Variants in DLD observed in about 807,000 individuals in gnomAD.
The protein encoded by DLD is dihydrolipoamide dehydrogenase, also known as dihydrolipoyl dehydrogenase, mitochondrial.
A neutral mutation model predicts 62.2 loss-of-function variants in DLD; 36 were observed. That is an observed-to-expected ratio of 0.58 (90% CI 0.44 to 0.76). The LOEUF is 0.76. DLD is among the 30% of genes least tolerant of loss of function. DLD has a pLI of 0.00. For synonymous variants in DLD, 204 were observed against 199.6 expected (o/e 1.02, Z -0.19); for missense variants, 541 against 608.6 (o/e 0.89, Z 1.17).
At position 107,893,112 on chromosome 7, in the gene DLD, G is replaced by A. The variant is rs571171688; in HGVS notation, c.40-88G>A. On this transcript the variant is annotated intron_variant, in intron 1 of 13. Coordinates refer to ENST00000205402, the MANE Select transcript of DLD (RefSeq NM_000108.5). Reference sequence around the variant, plus strand: ...CTAATAATCCTCGCTTGATACGTTTGCCCAAAATTGTTCTGTTATCATCAA... The same window carrying A: ...CTAATAATCCTCGCTTGATACGTTTACCCAAAATTGTTCTGTTATCATCAA... 33 of 1,046,142 alleles carry A rather than the reference G, an allele frequency of 3.2e-5. No homozygotes were observed. In the South Asian group the frequency reaches 3.8e-4, roughly 12 times the overall value. The allele number at this position is 1,046,142 out of a possible 1,614,324, so 64.8% of individuals were successfully genotyped here. A position where few individuals can be genotyped will look rare whatever the true frequency, so the allele number is the denominator to read the frequency against.
intron 8 of DLD, among the ~76,000 whole-genome samples, chr7:107,914,014 T>C (rs1023262298): frequency 1.9e-4 from 29 of 152,324 alleles, no homozygotes; most frequent in African/African-American, 7.0e-4. Flanking sequence ...GTTAATGTGA[T>C]GAATCATGTT....
rs763401114 is a variant in DLD, at chr7:107,917,941, T to C, written c.1254T>C (p.Val418=). 6.2e-7 allele frequency: 1 copy of C among 1,614,058 alleles called. No homozygotes were observed. The highest frequency in any genetic ancestry group is 8.5e-7 in the Non-Finnish European group (1 of 1,179,944). Residue 418 remains valine, a synonymous_variant, in exon 12 of 14, where the codon GTT becomes GTC. Transcript: ENST00000205402. ...QLKEEGIEYK[V]GKFPFAANSR... ...TGTCACAGGGTATTGAGTACAAAGTTGGGAAATTCCCATTTGCTGCTAACA... is the reference window on the plus strand; with the variant it reads ...TGTCACAGGGTATTGAGTACAAAGTCGGGAAATTCCCATTTGCTGCTAACA...
intron 3 of DLD, 77 bp downstream of exon 3, chr7:107,901,894 A>C (rs1015708714): frequency 8.4e-7 from 1 of 1,189,330 alleles, no homozygotes; most frequent in Admixed American, 1.7e-5. Context: ...AGTACTTTGC[A>C]GGCAAAAACA....
chr7:107,905,089 A>T, intron 6 of DLD, 31 bp downstream of exon 6: 1 of 1,460,352 alleles, frequency 6.8e-7, no homozygotes, highest in African/African-American at 1.4e-5. Context: ...TTTCTGCTTT[A>T]CTTTGAATAC....
intron 2 of DLD, among the ~76,000 whole-genome samples, chr7:107,899,790 G>T (rs893680101): frequency 6.6e-6 from 1 of 151,672 alleles, no homozygotes; most frequent in African/African-American, 2.4e-5. Flanking sequence ...AATGTGGATG[G>T]GTTGTTTTTT....
rs2032369236 is a variant in DLD, at chr7:107,919,979, A to G, written c.*720A>G. The G allele has an allele frequency of 2.0e-5, 3 of 152,432 alleles. No individual in the cohort carries two copies. The highest frequency in any genetic ancestry group is 7.2e-5 in the African/African-American group (3 of 41,452). The allele number at this position is 152,432 out of a possible 1,614,324, so 9.4% of individuals were successfully genotyped here. On this transcript the variant is annotated 3_prime_UTR_variant, in exon 14 of 14. Transcript: ENST00000205402. ...CTTAAATATTCATTTACTGGTTATC[A>G]TGAGTACGTGTTGAGATGGTCATAG...
At chr7:107,902,074 A>T (rs2031889607) in intron 3 of DLD, among the ~76,000 whole-genome samples, 1 of 152,194 alleles carries the variant, frequency 6.6e-6, no homozygotes, top group Non-Finnish European at 1.5e-5. Flanking sequence ...AGATACAGTG[A>T]TAGAACTAAA....
rs1318314453 is a variant in DLD at position 107,920,184 on chromosome 7, T to C, written c.*925T>C. The C allele has an allele frequency of 6.6e-6, 1 of 152,138 alleles. No individual in the cohort carries two copies. The highest frequency in any genetic ancestry group is 1.5e-5 in the Non-Finnish European group (1 of 68,000). 9.4% of individuals were successfully genotyped at this position (152,138 alleles called of 1,614,324 possible). A position where few individuals can be genotyped will look rare whatever the true frequency, so the allele number is the denominator to read the frequency against. ...TTTGGAGAAGTACAACATAAGGGAG[T>C]CTTTAATCTGTGTTTTCCTTGGCTG... On this transcript the variant is annotated 3_prime_UTR_variant, in exon 14 of 14. Coordinates refer to ENST00000205402, the MANE Select transcript of DLD (RefSeq NM_000108.5).
Position 107,919,582 on chromosome 7 carries a change from A to G in DLD, c.*323A>G, listed in dbSNP as rs1350820266. 4.5e-6 allele frequency: 1 copy of G among 223,634 alleles called. No homozygotes were observed. The highest frequency in any genetic ancestry group is 5.2e-5 in the Admixed American group (1 of 19,156). 13.9% of individuals were successfully genotyped at this position (223,634 alleles called of 1,614,324 possible). ...AATTTAAATAGCTTTTTTCTCTGAT[A>G]CAGAAAAGTTGAATTTTACATGGCT... On this transcript the variant is annotated 3_prime_UTR_variant, in exon 14 of 14. Transcript: ENST00000205402.
At chr7:107,897,882 G>T (rs558924654) in intron 2 of DLD, among the ~76,000 whole-genome samples, 5 of 152,030 alleles carry the variant, frequency 3.3e-5, no homozygotes, top group Non-Finnish European at 7.4e-5. Context: ...GATACATCTT[G>T]TAATTATATT....
At chr7:107,891,494 G>A (rs1318261788) in intron 1 of DLD, 4 of 638,412 alleles carry the variant, frequency 6.3e-6, no homozygotes, top group Non-Finnish European at 1.1e-5. Context: ...GACGGGGCTG[G>A]GCCCAGGCTG....
intron 8 of DLD, among the ~76,000 whole-genome samples, chr7:107,909,791 G>C (rs1013794596): frequency 6.6e-6 from 1 of 150,718 alleles, no homozygotes; most frequent in African/African-American, 2.4e-5. Context: ...AGAGTTCACT[G>C]AGAGTGCCTG....
intron 5 of DLD, among the ~76,000 whole-genome samples, chr7:107,904,410 A>G (rs1248926337): frequency 6.6e-6 from 1 of 152,166 alleles, no homozygotes; most frequent in African/African-American, 2.4e-5. Context: ...GGTACTTTCT[A>G]AGATACCCTT....
chr7:107,904,930 A>T (rs754581811), intron 5 of DLD, 28 bp from the exon 6 acceptor site: 1 of 1,543,056 alleles, frequency 6.5e-7, no homozygotes, highest in East Asian at 2.3e-5. Context: ...TTTAGCTAAG[A>T]ACTAAAGATT....
chr7:107,907,427 A>G (rs1005575531), intron 8 of DLD, among the ~76,000 whole-genome samples: 1 of 152,140 alleles, frequency 6.6e-6, no homozygotes, highest in Non-Finnish European at 1.5e-5. Flanking sequence ...CTGCTTGTAT[A>G]CTGTCTGCTC....
In DLD at chr7:107,901,778, A is replaced by T; in HGVS notation, c.159A>T (p.Gly53=). The change falls in exon 3 of 14, where the codon GGA becomes GGT. Residue 53 remains glycine (G), a synonymous_variant. Transcript: ENST00000205402. ...DVTVIGSGPG[G]YVAAIKAAQL... ...CAGTTATAGGTTCTGGTCCTGGAGG[A>T]TATGTTGCTGCTATTAAAGCTGCCC... The T allele has an allele frequency of 6.2e-7, 1 of 1,613,758 alleles. No individual in the cohort carries two copies. Among genetic ancestry groups the T allele is most frequent in the Non-Finnish European group, 8.5e-7 (1 of 1,179,740 alleles).
chr7:107,902,440 C>A, intron 4 of DLD, 47 bp downstream of exon 4: 1 of 1,517,256 alleles, frequency 6.6e-7, no homozygotes, highest in Non-Finnish European at 9.2e-7. Context: ...TGGCTAGCAA[C>A]CAACTAGAAG....
At chr7:107,904,202 T>C (rs1397960245) in intron 5 of DLD, among the ~76,000 whole-genome samples, 1 of 152,134 alleles carries the variant, frequency 6.6e-6, no homozygotes, top group Non-Finnish European at 1.5e-5. Flanking sequence ...GGTATAGAGA[T>C]GATGTATATG....
At chr7:107,894,763 A>G (rs573205571) in intron 2 of DLD, among the ~76,000 whole-genome samples, 3 of 152,340 alleles carry the variant, frequency 2.0e-5, no homozygotes, top group Non-Finnish European at 2.9e-5. Flanking sequence ...CAGTTTGGTG[A>G]TCCCTTGACA....
Sources: allele counts gnomAD v4.1 joint callset (sites outside exome capture counted in the v4.1 genomes callset), GRCh38; gene constraint gnomAD v4.1.1; transcripts MANE v1.5; gene names NCBI Gene and HGNC (gene_info 2026-07-23, HGNC 2026-07-21).